The following ABHD6 variants were observed in gnomAD, a reference collection of about 807,000 sequenced individuals.
ABHD6 encodes monoacylglycerol lipase ABHD6.
ABHD6 carries 33 observed loss-of-function variants against 38.8 expected under a neutral mutation model. The ratio of observed to expected loss-of-function variants is 0.85; its 90% confidence interval spans 0.64 to 1.14. The LOEUF (loss-of-function observed/expected upper bound fraction) is 1.14, where lower values mean the gene tolerates loss of function less well. Among genes scored for constraint, ABHD6 ranks in the 50% most tolerant of loss-of-function variants. The pLI, the probability that ABHD6 is intolerant of heterozygous loss-of-function variation, is 0.00. For missense variants in ABHD6, 380 were observed against 422.6 expected (o/e 0.90, Z 0.88); for synonymous variants, 147 against 161.6 (o/e 0.91, Z 0.69).
At chr3:58,242,000 G>C (rs991033366) in intron 1 of ABHD6, among the ~76,000 whole-genome samples, 1 of 152,196 alleles carries the variant, frequency 6.6e-6, no homozygotes, top group Admixed American at 6.5e-5. Context: ...TTGTTGAGCT[G>C]CAAAACTGAA....
intron 1 of ABHD6, among the ~76,000 whole-genome samples, chr3:58,245,594 C>T (rs868731022): frequency 6.6e-6 from 1 of 152,058 alleles, no homozygotes; most frequent in East Asian, 2.0e-4. Flanking sequence ...GCCTGGCCAA[C>T]ATGGCAAAAC....
intron 7 of ABHD6, among the ~76,000 whole-genome samples, chr3:58,277,289 G>A (rs984741655): frequency 6.6e-5 from 10 of 152,010 alleles, no homozygotes; most frequent in East Asian, 3.8e-4. Context: ...CTTTTATTTC[G>A]TTGAGCAGTG....
rs1232942272 is a variant in ABHD6, at chr3:58,293,753, G to C, written c.1002G>C (p.Lys334Asn). The change falls in exon 10 of 10, where the codon AAG (lysine) becomes AAC (asparagine). Residue 334 changes from lysine to asparagine, a missense_variant. Physicochemically the swap from Lys to Asn is moderately conservative, Grantham distance 94. Transcript: ENST00000478253. This position sits in a 1 kb window ranked among gnomAD's most constrained non-coding sequence, Gnocchi z 4.4. ...LASVHNTDNN[K>N]KLD ...CTGTGCACAACACAGACAACAACAA[G>C]AAGCTGGACTGAGGCCCCGACTGCA... is the stretch of plus-strand genomic sequence containing the variant. The C allele has an allele frequency of 1.2e-6, 2 of 1,613,978 alleles. No homozygotes were observed. The highest frequency in any genetic ancestry group is 1.7e-5 in the Admixed American group (1 of 59,998).
intron 3 of ABHD6, among the ~76,000 whole-genome samples, chr3:58,262,754 G>A (rs1028094177): frequency 3.3e-5 from 5 of 152,062 alleles, no homozygotes; most frequent in Admixed American, 2.0e-4. Flanking sequence ...CTACTCTTTC[G>A]TTGAGGGGAT....
intron 7 of ABHD6, among the ~76,000 whole-genome samples, chr3:58,281,139 C>G (rs559605056): frequency 2.0e-5 from 3 of 152,378 alleles, no homozygotes; most frequent in African/African-American, 7.2e-5. Flanking sequence ...CGCTGTCAGA[C>G]AGGGACATTT....
At chr3:58,270,641 G>A (rs1457823667) in intron 5 of ABHD6, among the ~76,000 whole-genome samples, 2 of 152,034 alleles carry the variant, frequency 1.3e-5, no homozygotes, top group Non-Finnish European at 1.5e-5. Flanking sequence ...CAGCCTGGGT[G>A]ACAGAGTGAG....
At chr3:58,283,360 C>T (rs1312826847) in intron 7 of ABHD6, among the ~76,000 whole-genome samples, 2 of 152,224 alleles carry the variant, frequency 1.3e-5, no homozygotes, top group Admixed American at 6.5e-5. Flanking sequence ...GTCTTTCCTT[C>T]CTAGGAGAGA....
intron 7 of ABHD6, among the ~76,000 whole-genome samples, chr3:58,276,696 G>C (rs2097448981): frequency 6.6e-6 from 1 of 152,076 alleles, no homozygotes; most frequent in African/African-American, 2.4e-5. Context: ...GCCCATGCCT[G>C]TTTCCTGTAT....
rs1224738913 is a variant in ABHD6 at position 58,265,045 on chromosome 3, C to T, written c.120-2144C>T. Reference sequence around the variant, plus strand: ...TAACCATCCCCACTTCTCCCCTACCCCCAGCTACTCATCTCAGCCTCTGGT... The same window carrying T: ...TAACCATCCCCACTTCTCCCCTACCTCCAGCTACTCATCTCAGCCTCTGGT... On this transcript the variant is annotated intron_variant, in intron 3 of 9. Coordinates refer to ENST00000478253, the MANE Select transcript of ABHD6 (RefSeq NM_001320126.2). This position sits in a 1 kb window ranked among gnomAD's most constrained non-coding sequence, Gnocchi z 4.2. Among the ~76,000 whole-genome samples the T allele has an allele frequency of 1.3e-5, 2 of 152,134 alleles. No individual in the cohort carries two copies. The highest frequency in any genetic ancestry group is 1.3e-4 in the Admixed American group (2 of 15,282).
At chr3:58,250,022 G>C (rs2097428879) in intron 2 of ABHD6, 80 bp downstream of exon 2, 1 of 152,158 alleles carries the variant, frequency 6.6e-6, no homozygotes, top group Admixed American at 6.6e-5. Flanking sequence ...TGTAAGCCCT[G>C]CTTCCAAGCC....
Position 58,293,638 on chromosome 3 carries a change from G to T in ABHD6, c.887G>T (p.Cys296Phe), listed in dbSNP as rs764664609. Residue 296 changes from cysteine (C) to phenylalanine (F), a missense_variant, in exon 10 of 10, where the codon TGC becomes TTC. Transcript: ENST00000478253. This position sits in a 1 kb window ranked among gnomAD's most constrained non-coding sequence, Gnocchi z 4.4. Reference protein sequence around the residue: ...ADMLAKSIANCQVELLENCGH... With the variant: ...ADMLAKSIANFQVELLENCGH... Reference sequence around the variant, plus strand: ...ATGTTGGCCAAGTCAATTGCCAACTGCCAGGTGGAGCTTCTGGAAAACTGT... The same window carrying T: ...ATGTTGGCCAAGTCAATTGCCAACTTCCAGGTGGAGCTTCTGGAAAACTGT... The T allele has an allele frequency of 6.2e-6, 10 of 1,614,218 alleles. No homozygotes were observed. In the East Asian group the frequency reaches 2.2e-4, roughly 36 times the overall value.
At position 58,265,001 on chromosome 3, in the gene ABHD6, CTA is replaced by C. The variant is rs2097439945; in HGVS notation, c.120-2186_120-2185del. On this transcript the variant is annotated intron_variant, in intron 3 of 9. Transcript: ENST00000478253. This position sits in a 1 kb window ranked among gnomAD's most constrained non-coding sequence, Gnocchi z 4.2. The stretch of plus-strand genomic sequence containing the variant: ...CAATAGTAGGTCTTATTCATTCTTT[CTA>C]TTTTTTTTGTACCCATTAACCATCC... Among the ~76,000 whole-genome samples the C allele has an allele frequency of 8.8e-6, 1 of 113,708 alleles. No individual in the cohort carries two copies. Among genetic ancestry groups the C allele is most frequent in the African/African-American group, 3.5e-5 (1 of 28,900 alleles). 74.6% of individuals were successfully genotyped at this position (113,708 alleles called of 152,430 possible).
rs1434807115 is a variant in ABHD6 at position 58,265,624 on chromosome 3, G to A, written c.120-1565G>A. The stretch of plus-strand genomic sequence containing the variant: ...TTTCCTCATATTATAAGATTATATA[G>A]TTAGTGTCTTATTCCATTTTGTGTT... On this transcript the variant is annotated intron_variant, in intron 3 of 9. Transcript: ENST00000478253. The surrounding 1 kb of genome is among the most constrained non-coding windows in gnomAD (Gnocchi z 4.2). Among the ~76,000 whole-genome samples the A allele has an allele frequency of 6.6e-6, 1 of 152,164 alleles. No homozygotes were observed. The highest frequency in any genetic ancestry group is 1.5e-5 in the Non-Finnish European group (1 of 68,038).
At chr3:58,253,158 C>T (rs1446207859) in intron 2 of ABHD6, among the ~76,000 whole-genome samples, 1 of 91,450 alleles carries the variant, frequency 1.1e-5, no homozygotes, top group Non-Finnish European at 2.0e-5. Flanking sequence ...ACCGACAGAG[C>T]ACAGAGGGGT....
intron 7 of ABHD6, among the ~76,000 whole-genome samples, chr3:58,278,198 C>T (rs1208899004): frequency 2.0e-5 from 3 of 152,180 alleles, no homozygotes; most frequent in Non-Finnish European, 4.4e-5. Flanking sequence ...CTTTGTACCT[C>T]TGGTAGAATT....
intron 3 of ABHD6, among the ~76,000 whole-genome samples, chr3:58,260,297 G>A (rs956308313): frequency 2.6e-5 from 4 of 152,208 alleles, no homozygotes; most frequent in Non-Finnish European, 1.5e-5. Context: ...GTGGCTGAAA[G>A]ACAAACACAA....
Position 58,256,499 on chromosome 3 carries a change from C to T in ABHD6, c.-25-63C>T. Reference sequence around the variant, plus strand: ...AACTTCACTTTTCTTGTCCCCTTTACTTCTTCGCCTTTTTTCCTTTGATAC... The same window carrying T: ...AACTTCACTTTTCTTGTCCCCTTTATTTCTTCGCCTTTTTTCCTTTGATAC... On this transcript the variant is annotated intron_variant, in intron 2 of 9. Coordinates refer to ENST00000478253, the MANE Select transcript of ABHD6 (RefSeq NM_001320126.2). This position sits in a 1 kb window ranked among gnomAD's most constrained non-coding sequence, Gnocchi z 4.3. 2 of 990,440 alleles carry T rather than the reference C, an allele frequency of 2.0e-6. No homozygotes were observed. The highest frequency in any genetic ancestry group is 1.5e-6 in the Non-Finnish European group (1 of 651,984). 61.4% of individuals were successfully genotyped at this position (990,440 alleles called of 1,614,324 possible).
chr3:58,284,962 T>C lies in ABHD6; in HGVS notation c.682-123T>C, dbSNP rs1385268204. 8 of 838,714 alleles carry C rather than the reference T, an allele frequency of 9.5e-6. No individual in the cohort carries two copies. In the East Asian group the frequency reaches 1.5e-4, roughly 15 times the overall value. 52.0% of individuals were successfully genotyped at this position (838,714 alleles called of 1,614,324 possible). A position where few individuals can be genotyped will look rare whatever the true frequency, so the allele number is the denominator to read the frequency against. ...ATCATGGGAATTCAGAGGACCAGGC[T>C]CTAAAGACCTTGACAGTGCAATAAA... On this transcript the variant is annotated intron_variant, in intron 7 of 9. Transcript: ENST00000478253.
chr3:58,258,098 G>A (rs539126660), intron 3 of ABHD6, among the ~76,000 whole-genome samples: 16 of 152,122 alleles, frequency 1.1e-4, no homozygotes, highest in African/African-American at 1.9e-4. Flanking sequence ...ACCTGAGATC[G>A]GGAGTTCGAG....
Sources: gnomAD v4.1 joint callset for allele counts (sites outside exome capture counted in the v4.1 genomes callset) on GRCh38, gnomAD v4.1.1 for gene constraint, Gnocchi (gnomAD v3.1) non-coding constraint, MANE v1.5 for transcripts, NCBI Gene and HGNC (gene_info 2026-07-23, HGNC 2026-07-21) for gene names.